DMRT1: variants seen among roughly 807,000 people sequenced by gnomAD.
DMRT1 encodes the protein doublesex- and mab-3-related transcription factor 1.
In DMRT1, 7 loss-of-function variants were observed where a neutral mutation model predicts 32.3. That is an observed-to-expected ratio of 0.22 (90% CI 0.12 to 0.41). The LOEUF is 0.41. Among genes scored for constraint, DMRT1 ranks in the 10% least tolerant of loss-of-function variants. DMRT1 has a pLI of 1.00. For missense variants in DMRT1, 625 were observed against 500.5 expected, an observed-to-expected ratio of 1.25 and a Z score of -2.37; for synonymous variants, 278 against 206.1, an observed-to-expected ratio of 1.35 and a Z score of -2.99.
chr9:966,416 T>TAA (rs1464779574), intron 4 of DMRT1, among the ~76,000 whole-genome samples: 1 of 152,240 alleles, frequency 6.6e-6, no homozygotes, highest in African/African-American at 2.4e-5. Flanking sequence ...TTTACCTTAT[T>TAA]AAAGACTAAA....
chr9:968,356 G>T lies in DMRT1; in HGVS notation c.*217G>T. 1 of 550,966 alleles carries T rather than the reference G, an allele frequency of 1.8e-6. No individual in the cohort carries two copies. Among genetic ancestry groups the T allele is most frequent in the Non-Finnish European group, 3.2e-6 (1 of 310,190 alleles). 34.1% of individuals were successfully genotyped at this position (550,966 alleles called of 1,614,324 possible). On this transcript the variant is annotated 3_prime_UTR_variant, in exon 5 of 5. Transcript: ENST00000382276. ...ATGGTTTAAGTGCTTTACTCACGGA[G>T]TTTAAATAATAGTGTTCATTTTTTT...
intron 2 of DMRT1, among the ~76,000 whole-genome samples, chr9:861,118 G>C (rs2132577354): frequency 6.8e-6 from 1 of 146,562 alleles, no homozygotes; most frequent in South Asian, 2.2e-4. Context: ...AGGGGGATTT[G>C]GCAGGGTCAT....
intron 4 of DMRT1, among the ~76,000 whole-genome samples, chr9:950,808 A>G (rs1819404621): frequency 6.6e-6 from 1 of 152,060 alleles, no homozygotes; most frequent in Non-Finnish European, 1.5e-5. Context: ...GTTTCCAGAA[A>G]CGACTGTTTT....
At position 911,470 on chromosome 9, in the gene DMRT1, A is replaced by ATTTTT. The variant is rs201141931; in HGVS notation, c.823-5256_823-5252dup. On this transcript the variant is annotated intron_variant, in intron 3 of 4. Coordinates refer to ENST00000382276, the MANE Select transcript of DMRT1 (RefSeq NM_021951.3). ...CCATGCCTTTTTCTGGGTTAATTGC[A>ATTTTT]TTTTTTTTTTTTTTTTTTTTTTTTT... is the stretch of plus-strand genomic sequence containing the variant. Among the ~76,000 whole-genome samples, 23 of 66,986 alleles carry ATTTTT rather than the reference A, an allele frequency of 3.4e-4. 1 individual carries two copies. The highest frequency in any genetic ancestry group is 5.5e-4 in the Non-Finnish European group (14 of 25,458). 43.9% of individuals were successfully genotyped at this position (66,986 alleles called of 152,430 possible).
At chr9:868,008 G>C (rs545126946) in intron 2 of DMRT1, among the ~76,000 whole-genome samples, 2 of 152,108 alleles carry the variant, frequency 1.3e-5, no homozygotes, top group African/African-American at 2.4e-5. Flanking sequence ...TTGAGACAGG[G>C]TCTCTATCGC....
At chr9:872,307 C>T (rs919353888) in intron 2 of DMRT1, among the ~76,000 whole-genome samples, 13 of 152,108 alleles carry the variant, frequency 8.5e-5, no homozygotes, top group South Asian at 2.1e-4. Context: ...GTGATCCACC[C>T]GCCTTGGCCT....
intron 4 of DMRT1, among the ~76,000 whole-genome samples, chr9:958,334 C>A (rs1004775341): frequency 1.3e-5 from 2 of 152,176 alleles, no homozygotes; most frequent in Non-Finnish European, 2.9e-5. Flanking sequence ...GGCTTGGGAA[C>A]TTTCTCTCAT....
At chr9:921,774 G>C (rs1818362428) in intron 4 of DMRT1, among the ~76,000 whole-genome samples, 2 of 152,204 alleles carry the variant, frequency 1.3e-5, no homozygotes, top group South Asian at 4.1e-4. Context: ...CTGACTACTT[G>C]GGAGGGTGAG....
rs1819509618 is a variant in DMRT1 at position 953,836 on chromosome 9, C to G, written c.968-14149C>G. Among the ~76,000 whole-genome samples, 3 of 152,252 alleles carry G rather than the reference C, an allele frequency of 2.0e-5. 1 individual carries two copies. The highest frequency in any genetic ancestry group is 2.0e-4 in the Admixed American group (3 of 15,288). ...TTCATCAACTACTATTTGTTGAGTG[C>G]TGGCCACATGTAAGTCTTTTAACTA... On this transcript the variant is annotated intron_variant, in intron 4 of 4. Coordinates refer to ENST00000382276, the MANE Select transcript of DMRT1 (RefSeq NM_021951.3).
intron 2 of DMRT1, among the ~76,000 whole-genome samples, chr9:884,844 C>T (rs1487216767): frequency 6.6e-6 from 1 of 152,084 alleles, no homozygotes; most frequent in Non-Finnish European, 1.5e-5. Context: ...GTGGTGCGCA[C>T]CTGTAATCTC....
rs756208176 is a variant in DMRT1, at chr9:894,134, A to C, written c.761A>C (p.Lys254Thr). The C allele has an allele frequency of 1.2e-6, 2 of 1,614,254 alleles. No homozygotes were observed. The highest frequency in any genetic ancestry group is 3.3e-5 in the Admixed American group (2 of 60,038). ...AATCCCCTCGGGGGATCCCCTGTGA[A>C]GAACAGCCTTCGGGGCCTCCCCGGA... ...VGNPLGGSPV[K>T]NSLRGLPGPY... Residue 254 changes from lysine to threonine, a missense_variant, in exon 3 of 5, where the codon AAG becomes ACG. Physicochemically the swap from Lys to Thr is moderately conservative, Grantham distance 78. Coordinates refer to ENST00000382276, the MANE Select transcript of DMRT1 (RefSeq NM_021951.3).
At chr9:884,667 A>T (rs1218005603) in intron 2 of DMRT1, among the ~76,000 whole-genome samples, 1 of 152,156 alleles carries the variant, frequency 6.6e-6, no homozygotes, top group Non-Finnish European at 1.5e-5. Flanking sequence ...AGTATATACC[A>T]ATGGTAACAC....
At chr9:878,814 C>G (rs918623750) in intron 2 of DMRT1, among the ~76,000 whole-genome samples, 8 of 152,152 alleles carry the variant, frequency 5.3e-5, no homozygotes, top group Non-Finnish European at 2.9e-5. Context: ...CATGTCTTCT[C>G]TCATATAATT....
chr9:929,205 C>G lies in DMRT1; in HGVS notation c.967+12298C>G, dbSNP rs572840812. Reference sequence around the variant, plus strand: ...ACCTTGTACTTCATCTGTGTCTTCTCTGAAACACCCTGGGATAGAAGGCAA... The same window carrying G: ...ACCTTGTACTTCATCTGTGTCTTCTGTGAAACACCCTGGGATAGAAGGCAA... On this transcript the variant is annotated intron_variant, in intron 4 of 4. Transcript: ENST00000382276. Among the ~76,000 whole-genome samples, 19 of 152,300 alleles carry G rather than the reference C, an allele frequency of 1.2e-4. No homozygotes were observed. In the South Asian group the frequency reaches 3.9e-3, roughly 32 times the overall value.
chr9:927,240 T>G (rs988837354), intron 4 of DMRT1, among the ~76,000 whole-genome samples: 2 of 152,222 alleles, frequency 1.3e-5, no homozygotes, highest in Non-Finnish European at 2.9e-5. Flanking sequence ...CTTTGAAAAT[T>G]GCCTCCAGAG....
At chr9:854,112 A>T (rs12350993) in intron 2 of DMRT1, among the ~76,000 whole-genome samples, 62,656 of 146,738 alleles carry the variant, frequency 0.43, 13,266 homozygotes, top group East Asian at 0.6. Context: ...CACTAAGCCC[A>T]TTTTTTTTTT....
chr9:917,146 G>A (rs1166231597), intron 4 of DMRT1, among the ~76,000 whole-genome samples: 1 of 152,070 alleles, frequency 6.6e-6, no homozygotes, highest in Non-Finnish European at 1.5e-5. Context: ...AGTAAGATGA[G>A]AGACTCTCCC....
chr9:922,351 A>T (rs1818382060), intron 4 of DMRT1, among the ~76,000 whole-genome samples: 1 of 152,170 alleles, frequency 6.6e-6, no homozygotes, highest in Admixed American at 6.6e-5. Flanking sequence ...GGCTTATATA[A>T]GAATGTGGCC....
chr9:955,442 C>T (rs966109156), intron 4 of DMRT1, among the ~76,000 whole-genome samples: 5 of 152,158 alleles, frequency 3.3e-5, no homozygotes, highest in South Asian at 2.1e-4. Context: ...TGGTGGCTCA[C>T]GCCTGTAATC....
Sources: gnomAD v4.1 joint callset for allele counts (sites outside exome capture counted in the v4.1 genomes callset) on GRCh38, gnomAD v4.1.1 for gene constraint, MANE v1.5 for transcripts, NCBI Gene and HGNC (gene_info 2026-07-23, HGNC 2026-07-21) for gene names.